TBC1D10B: variants seen among roughly 807,000 people sequenced by gnomAD.
TBC1D10B encodes the protein Rab27A-GAPbeta.
TBC1D10B carries 25 observed loss-of-function variants against 78.4 expected under a neutral mutation model. The observed-to-expected ratio is 0.32, with a 90% CI of 0.23 to 0.45. The LOEUF (loss-of-function observed/expected upper bound fraction) is 0.45, where lower values mean the gene tolerates loss of function less well. Among genes scored for constraint, TBC1D10B ranks in the 20% least tolerant of loss-of-function variants. TBC1D10B has a pLI of 1.00. For missense variants in TBC1D10B, 996 were observed against 1,104.8 expected (o/e 0.90, Z 1.40); for synonymous variants, 517 against 478.0 (o/e 1.08, Z -1.06).
intron 4 of TBC1D10B, 173 bp from the exon 5 acceptor site, chr16:30,360,014 G>A (rs751892558): frequency 1.4e-5 from 9 of 621,584 alleles, no homozygotes; most frequent in African/African-American, 3.7e-5. Context: ...TCCAGGCCCC[G>A]GGGCTCCGCC....
Position 30,365,585 on chromosome 16 carries a change from G to GCC in TBC1D10B, c.965_966insGG (p.Ile323AlafsTer32). On this transcript the variant is annotated frameshift_variant, in exon 2 of 9. Transcript: ENST00000409939. LOFTEE classifies it high-confidence loss of function. The surrounding 1 kb of genome is among the most constrained non-coding windows in gnomAD (Gnocchi z 5.0). Reference sequence around the variant, plus strand: ...GCTGCCGAGCCACGTCCACGGGAATGGAGCTCTCTCTGCAGGGTCGGGGGA... The same window carrying GCC: ...GCTGCCGAGCCACGTCCACGGGAATGCCGAGCTCTCTCTGCAGGGTCGGGGGA... The GCC allele has an allele frequency of 6.2e-7, 1 of 1,613,954 alleles. No individual in the cohort carries two copies. The highest frequency in any genetic ancestry group is 8.5e-7 in the Non-Finnish European group (1 of 1,179,892).
At position 30,369,664 on chromosome 16, in the gene TBC1D10B, T is replaced by TG. The variant is rs1172313551; in HGVS notation, c.519dup (p.Lys174GlnfsTer38). ...CCTGAGGCCACTGTGGTTCCCGGCT[T>TG]GGGGGCAAGCGGGGGTTTGGCGGTC... On this transcript the variant is annotated frameshift_variant, in exon 1 of 9. Coordinates refer to ENST00000409939, the MANE Select transcript of TBC1D10B (RefSeq NM_015527.4). LOFTEE classifies it high-confidence loss of function. This position sits in a 1 kb window ranked among gnomAD's most constrained non-coding sequence, Gnocchi z 4.3. 1 of 1,532,698 alleles carries TG rather than the reference T, an allele frequency of 6.5e-7. No individual in the cohort carries two copies. Among genetic ancestry groups the TG allele is most frequent in the Non-Finnish European group, 8.8e-7 (1 of 1,137,316 alleles). 94.9% of individuals were successfully genotyped at this position (1,532,698 alleles called of 1,614,324 possible).
At chr16:30,368,419 C>A (rs932096899) in intron 1 of TBC1D10B, among the ~76,000 whole-genome samples, 1 of 152,172 alleles carries the variant, frequency 6.6e-6, no homozygotes, top group Non-Finnish European at 1.5e-5. Flanking sequence ...ACTATTTTAT[C>A]CTTAGCACCT....
intron 4 of TBC1D10B, 78 bp downstream of exon 4, chr16:30,364,822 G>C: frequency 7.3e-7 from 1 of 1,374,870 alleles, no homozygotes; most frequent in Non-Finnish European, 1.0e-6. Context: ...TTTCGACTCA[G>C]TCTTGTATCC....
chr16:30,369,734 G>A lies in TBC1D10B; in HGVS notation c.450C>T (p.Thr150=). The A allele has an allele frequency of 2.0e-6, 3 of 1,467,518 alleles. No homozygotes were observed. Among genetic ancestry groups the A allele is most frequent in the Middle Eastern group, 1.8e-4 (1 of 5,598 alleles). The allele number at this position is 1,467,518 out of a possible 1,614,324, so 90.9% of individuals were successfully genotyped here. ...TGGAAGGGGTCCTGGTAGGGGTCCC[G>A]GTGGGGGTCCCTGGTCCTGGGGCGG... ...PSPAPGPGTP[T]GTPTRTPSRT... The change falls in exon 1 of 9, where the codon ACC becomes ACT. Residue 150 remains threonine (T), a synonymous_variant. Transcript: ENST00000409939. The surrounding 1 kb of genome is among the most constrained non-coding windows in gnomAD (Gnocchi z 4.3).
rs989075622 is a variant in TBC1D10B at position 30,369,033 on chromosome 16, C to G, written c.956+195G>C. Among the ~76,000 whole-genome samples the G allele has an allele frequency of 2.0e-5, 3 of 152,260 alleles. No individual in the cohort carries two copies. The highest frequency in any genetic ancestry group is 6.5e-5 in the Admixed American group (1 of 15,288). On this transcript the variant is annotated intron_variant, in intron 1 of 8. Coordinates refer to ENST00000409939, the MANE Select transcript of TBC1D10B (RefSeq NM_015527.4). This position sits in a 1 kb window ranked among gnomAD's most constrained non-coding sequence, Gnocchi z 4.3. ...AAACCCAGACCTCTTGACCCCTGGT[C>G]TGAAACTCCACTAACATGCCAATGT...
At position 30,369,469 on chromosome 16, in the gene TBC1D10B, G is replaced by A; in HGVS notation, c.715C>T (p.Pro239Ser). ...CCCAGGTCTTGAGAGTTTTCAGCAG[G>A]CTCCGGAGCTGGGGTCACGGTCACG... ...AVVTVTPAPE[P>S]AENSQDLGST... Residue 239 changes from proline (P) to serine (S), a missense_variant, in exon 1 of 9, where the codon CCT (proline) becomes TCT (serine). Physicochemically the swap from Pro to Ser is moderately conservative, Grantham distance 74 (BLOSUM62 -1). Coordinates refer to ENST00000409939, the MANE Select transcript of TBC1D10B (RefSeq NM_015527.4). The surrounding 1 kb of genome is among the most constrained non-coding windows in gnomAD (Gnocchi z 4.3). 6.4e-7 allele frequency: 1 copy of A among 1,551,672 alleles called. No homozygotes were observed. The highest frequency in any genetic ancestry group is 8.7e-7 in the Non-Finnish European group (1 of 1,147,210).
Position 30,369,720 on chromosome 16 carries a change from C to CCGG in TBC1D10B, c.463_464insCCG (p.Arg155delinsThrGly), listed in dbSNP as rs2049669723. 6.7e-7 allele frequency: 1 copy of CCGG among 1,482,474 alleles called. No individual in the cohort carries two copies. Among genetic ancestry groups the CCGG allele is most frequent in the Non-Finnish European group, 9.0e-7 (1 of 1,115,872 alleles). 91.8% of individuals were successfully genotyped at this position (1,482,474 alleles called of 1,614,324 possible). ...ACCAGGAGCCGTTCTGGAAGGGGTC[C>CCGG]TGGTAGGGGTCCCGGTGGGGGTCCC... On this transcript the variant is annotated protein_altering_variant, in exon 1 of 9. Coordinates refer to ENST00000409939, the MANE Select transcript of TBC1D10B (RefSeq NM_015527.4). The surrounding 1 kb of genome is among the most constrained non-coding windows in gnomAD (Gnocchi z 4.3).
At position 30,357,316 on chromosome 16, in the gene TBC1D10B, G is replaced by C. The variant is rs2049559230; in HGVS notation, c.*628C>G. 6.3e-6 allele frequency: 1 copy of C among 157,728 alleles called. No homozygotes were observed. 9.8% of individuals were successfully genotyped at this position (157,728 alleles called of 1,614,324 possible). A position where few individuals can be genotyped will look rare whatever the true frequency, so the allele number is the denominator to read the frequency against. The stretch of plus-strand genomic sequence containing the variant: ...AGGGGGGCCTGAGAACACAGAGCAA[G>C]GTGGGTTTGGAGGGAGCACAGCAGG... On this transcript the variant is annotated 3_prime_UTR_variant, in exon 9 of 9. Coordinates refer to ENST00000409939, the MANE Select transcript of TBC1D10B (RefSeq NM_015527.4).
At chr16:30,360,054 C>T in intron 4 of TBC1D10B, 1 of 550,798 alleles carries the variant, frequency 1.8e-6, no homozygotes, top group East Asian at 3.0e-5. Context: ...TGCTCCTGGC[C>T]ATCCCAGCAC....
intron 4 of TBC1D10B, among the ~76,000 whole-genome samples, chr16:30,364,616 A>G (rs1275730244): frequency 6.6e-6 from 1 of 152,094 alleles, no homozygotes; most frequent in Non-Finnish European, 1.5e-5. Context: ...ACCCCCAGGC[A>G]GGAAAACCCT....
intron 4 of TBC1D10B, 101 bp downstream of exon 4, chr16:30,364,799 G>A (rs1357293385): frequency 3.5e-5 from 38 of 1,080,576 alleles, no homozygotes; most frequent in Non-Finnish European, 4.0e-5. Context: ...AAGTCCTGAA[G>A]GGCAAAAACC....
intron 4 of TBC1D10B, among the ~76,000 whole-genome samples, chr16:30,364,511 A>T (rs910068053): frequency 6.6e-6 from 1 of 152,206 alleles, no homozygotes; most frequent in Non-Finnish European, 1.5e-5. Context: ...ACTAGAGAAG[A>T]GTATATACTG....
rs2049564836 is a variant in TBC1D10B, at chr16:30,357,891, G to T, written c.*53C>A. On this transcript the variant is annotated 3_prime_UTR_variant, in exon 9 of 9. Coordinates refer to ENST00000409939, the MANE Select transcript of TBC1D10B (RefSeq NM_015527.4). ...GGGGGTGGCACCTTGGGCCAGGCCT[G>T]TTCTTGGCTGAGGGAAAGAGGGGGG... 1 of 1,515,272 alleles carries T rather than the reference G, an allele frequency of 6.6e-7. No homozygotes were observed. Among genetic ancestry groups the T allele is most frequent in the South Asian group, 1.3e-5 (1 of 79,510 alleles). 93.9% of individuals were successfully genotyped at this position (1,515,272 alleles called of 1,614,324 possible). A position where few individuals can be genotyped will look rare whatever the true frequency, so the allele number is the denominator to read the frequency against.
At chr16:30,368,340 G>A (rs961327915) in intron 1 of TBC1D10B, among the ~76,000 whole-genome samples, 1 of 152,156 alleles carries the variant, frequency 6.6e-6, no homozygotes, top group Non-Finnish European at 1.5e-5. Flanking sequence ...GGCTAAACCC[G>A]AGGTCTTCTA....
chr16:30,359,515 G>A (rs534581385), intron 6 of TBC1D10B, 23 bp downstream of exon 6: 8 of 1,554,810 alleles, frequency 5.1e-6, no homozygotes, highest in South Asian at 4.7e-5. Context: ...AGCCCCGGAT[G>A]CACCCAGCCT....
rs527545858 is a variant in TBC1D10B at position 30,365,314 on chromosome 16, A to G, written c.1057-102T>C. On this transcript the variant is annotated intron_variant, in intron 2 of 8. Coordinates refer to ENST00000409939, the MANE Select transcript of TBC1D10B (RefSeq NM_015527.4). The surrounding 1 kb of genome is among the most constrained non-coding windows in gnomAD (Gnocchi z 5.0). Reference sequence around the variant, plus strand: ...TCCCTGGATACTCCTCCGACATCCCATAGGCTTGATTCCACTGGACCTGGC... The same window carrying G: ...TCCCTGGATACTCCTCCGACATCCCGTAGGCTTGATTCCACTGGACCTGGC... 12 of 1,253,076 alleles carry G rather than the reference A, an allele frequency of 9.6e-6. No individual in the cohort carries two copies. In the Admixed American group the frequency reaches 2.3e-4, roughly 24 times the overall value. 77.6% of individuals were successfully genotyped at this position (1,253,076 alleles called of 1,614,324 possible). A position where few individuals can be genotyped will look rare whatever the true frequency, so the allele number is the denominator to read the frequency against.
In TBC1D10B at chr16:30,359,724, G is replaced by A. The variant is rs777944841; in HGVS notation, c.1386+3C>T. ...CCTCCCGGCCCAGGACCAGGGCGCT[G>A]ACCTCCGCAGGCATGTGCATGAGCA... On this transcript the variant is annotated splice_donor_region_variant and intron_variant, in intron 5 of 8. Transcript: ENST00000409939. The A allele has an allele frequency of 6.3e-7, 1 of 1,574,982 alleles. No homozygotes were observed. The highest frequency in any genetic ancestry group is 2.3e-5 in the East Asian group (1 of 42,706).
Position 30,369,475 on chromosome 16 carries a change from G to A in TBC1D10B, c.709C>T (p.Pro237Ser), listed in dbSNP as rs2049666174. 1 of 1,551,402 alleles carries A rather than the reference G, an allele frequency of 6.4e-7. No individual in the cohort carries two copies. The highest frequency in any genetic ancestry group is 1.4e-5 in the African/African-American group (1 of 73,046). The change falls in exon 1 of 9, where the codon CCG becomes TCG. Residue 237 changes from proline to serine, a missense_variant. Pro to Ser is a moderately conservative substitution (Grantham distance 74). Around this residue, in one of 5 missense-constraint regions of TBC1D10B, gnomAD observed 448 missense variants for 442.1 expected, o/e 1.01. Coordinates refer to ENST00000409939, the MANE Select transcript of TBC1D10B (RefSeq NM_015527.4). This position sits in a 1 kb window ranked among gnomAD's most constrained non-coding sequence, Gnocchi z 4.3. ...TCTTGAGAGTTTTCAGCAGGCTCCG[G>A]AGCTGGGGTCACGGTCACGACAGCT... ...PVAVVTVTPA[P>S]EPAENSQDLG...
Sources: allele counts gnomAD v4.1 joint callset (sites outside exome capture counted in the v4.1 genomes callset), GRCh38; gene constraint gnomAD v4.1.1; regional missense constraint gnomAD v4.1.1; non-coding constraint Gnocchi (gnomAD v3.1); transcripts MANE v1.5; gene names NCBI Gene and HGNC (gene_info 2026-07-23, HGNC 2026-07-21).